Variants in HS6ST2 observed in about 807,000 individuals in gnomAD.
HS6ST2 encodes the protein heparan sulfate 6-O-sulfotransferase 2, also known as heparan-sulfate 6-O-sulfotransferase 2.
A neutral mutation model predicts 33.0 loss-of-function variants in HS6ST2; 17 were observed. The ratio of observed to expected loss-of-function variants is 0.52; its 90% CI spans 0.35 to 0.77. HS6ST2 has a LOEUF of 0.77. Ranked by LOEUF, HS6ST2 falls within the 30% of genes least tolerant of loss-of-function variation. The pLI, the probability that HS6ST2 is intolerant of heterozygous loss-of-function variation, is 0.01. For synonymous variants in HS6ST2, 248 were observed against 237.1 expected, an observed-to-expected ratio of 1.05 and a Z score of -0.42; for missense variants, 519 against 551.7, an observed-to-expected ratio of 0.94 and a Z score of 0.59.
intron 2 of HS6ST2, among the ~76,000 whole-genome samples, chrX:132,746,360 G>A (rs757503197): frequency 2.4e-4 from 27 of 110,440 alleles, no homozygotes; most frequent in Admixed American, 1.2e-3. Context: ...AAAATTAGCC[G>A]GGCGTGGTGG....
chrX:132,629,797 T>C (rs2063505258), intron 4 of HS6ST2, among the ~76,000 whole-genome samples: 1 of 111,926 alleles, frequency 8.9e-6, no homozygotes, highest in Non-Finnish European at 1.9e-5. Context: ...ATAGACATGG[T>C]AGCTGCCAAT....
At chrX:132,870,697 G>T (rs951369189) in intron 2 of HS6ST2, among the ~76,000 whole-genome samples, 18 of 111,678 alleles carry the variant, frequency 1.6e-4, no homozygotes, top group African/African-American at 5.9e-4. Context: ...ATGGTATTGG[G>T]AAAACAGCTA....
chrX:132,658,786 T>A (rs1428430576), intron 4 of HS6ST2, among the ~76,000 whole-genome samples: 9 of 112,537 alleles, frequency 8.0e-5, no homozygotes, highest in Non-Finnish European at 1.7e-4. Flanking sequence ...AATTCTTTTT[T>A]AATTAGGAAT....
chrX:132,680,418 G>A (rs2063960352), intron 3 of HS6ST2, among the ~76,000 whole-genome samples: 3 of 111,182 alleles, frequency 2.7e-5, no homozygotes, highest in Non-Finnish European at 5.7e-5. Flanking sequence ...TAGGTAAGAT[G>A]TTTAGTTGGC....
chrX:132,842,005 A>G (rs187102659), intron 2 of HS6ST2, among the ~76,000 whole-genome samples: 1 of 112,196 alleles, frequency 8.9e-6, no homozygotes, highest in Non-Finnish European at 1.9e-5. Flanking sequence ...GGCAATGAAG[A>G]CATGATATCA....
intron 2 of HS6ST2, among the ~76,000 whole-genome samples, chrX:132,826,676 G>T (rs2065524029): frequency 9.1e-6 from 1 of 109,341 alleles, no homozygotes; most frequent in African/African-American, 3.3e-5. Context: ...AAGGGCCACT[G>T]CTGTGGCCCT....
At chrX:132,734,578 C>T (rs991882580) in intron 2 of HS6ST2, among the ~76,000 whole-genome samples, 4 of 112,032 alleles carry the variant, frequency 3.6e-5, no homozygotes, top group African/African-American at 9.7e-5. Context: ...CATTTCCCCA[C>T]ATGGGCTCCC....
At chrX:132,889,536 G>C (rs910905963) in intron 2 of HS6ST2, among the ~76,000 whole-genome samples, 1 of 111,371 alleles carries the variant, frequency 9.0e-6, no homozygotes, top group Admixed American at 9.6e-5. Context: ...GAAAGGAAGA[G>C]ATGTATGTAG....
chrX:132,857,432 C>G (rs1271819185), intron 2 of HS6ST2, among the ~76,000 whole-genome samples: 1 of 106,635 alleles, frequency 9.4e-6, no homozygotes, highest in African/African-American at 3.4e-5. Context: ...TGCAGTGAGC[C>G]GTTATCACGC....
intron 2 of HS6ST2, among the ~76,000 whole-genome samples, chrX:132,868,374 G>T (rs2066016030): frequency 9.0e-6 from 1 of 111,586 alleles, no homozygotes. Flanking sequence ...AGATCAGCAA[G>T]ACAAAAAATT....
chrX:132,851,248 A>G (rs1175045959), intron 2 of HS6ST2, among the ~76,000 whole-genome samples: 1 of 112,315 alleles, frequency 8.9e-6, no homozygotes, highest in African/African-American at 3.2e-5. Context: ...TCTCTTTTCT[A>G]TTCTACCTGA....
chrX:132,752,492 A>G (rs774421111), intron 2 of HS6ST2, among the ~76,000 whole-genome samples: 1 of 104,993 alleles, frequency 9.5e-6, no homozygotes, highest in East Asian at 2.9e-4. Flanking sequence ...AAAAAAAAAG[A>G]ACTGACACCA....
intron 2 of HS6ST2, among the ~76,000 whole-genome samples, chrX:132,816,053 T>C (rs2065391686): frequency 1.8e-5 from 2 of 111,801 alleles, no homozygotes; most frequent in African/African-American, 6.5e-5. Flanking sequence ...CCCCAGCACA[T>C]AGCATTACTC....
At position 132,958,389 on chromosome X, in the gene HS6ST2, G is replaced by C; in HGVS notation, c.214C>G (p.Arg72Gly). ...CCCGCCAGGGAAGAAGACGCCTTTC[G>C]GGGCTTGTCCAGGAGCGGCCGGGTG... ...FHTRPLLDKPRKASSSLAGAA... is the reference protein window; with the variant it reads ...FHTRPLLDKPGKASSSLAGAA... Residue 72 changes from arginine (R) to glycine (G), a missense_variant, in exon 1 of 5, where the codon CGA becomes GGA. Physicochemically the swap from Arg to Gly is moderately radical, Grantham distance 125. Coordinates refer to ENST00000370833, the MANE Select transcript of HS6ST2 (RefSeq NM_001394073.1). The C allele has an allele frequency of 2.5e-6, 3 of 1,199,071 alleles. No homozygotes were observed. The highest frequency in any genetic ancestry group is 3.4e-6 in the Non-Finnish European group (3 of 892,545).
chrX:132,769,938 C>A (rs2064881603), intron 2 of HS6ST2, among the ~76,000 whole-genome samples: 1 of 112,140 alleles, frequency 8.9e-6, no homozygotes, highest in Non-Finnish European at 1.9e-5. Flanking sequence ...TTTGGTACAA[C>A]TCGCTTGTGA....
chrX:132,671,975 G>A (rs1433017559), intron 3 of HS6ST2, among the ~76,000 whole-genome samples: 1 of 111,613 alleles, frequency 9.0e-6, no homozygotes, highest in African/African-American at 3.3e-5. Context: ...AACATTGACA[G>A]AAAAAGTCTT....
Position 132,906,949 on chromosome X carries a change from G to A in HS6ST2, c.947+49859C>T, listed in dbSNP as rs186187395. ...CAAAGTGCTGGGATTACAGGCATGA[G>A]CCGCCATGCCCAGCCAAGAAGTGAT... On this transcript the variant is annotated intron_variant, in intron 2 of 4. Transcript: ENST00000370833. Among the ~76,000 whole-genome samples, 9 of 111,761 alleles carry A rather than the reference G, an allele frequency of 8.1e-5. No homozygotes were observed. The East Asian group carries it at 2.6e-3, about 32-fold the overall frequency.
chrX:132,806,124 C>T (rs1277240648), intron 2 of HS6ST2, among the ~76,000 whole-genome samples: 1 of 110,408 alleles, frequency 9.1e-6, no homozygotes, highest in East Asian at 2.8e-4. Flanking sequence ...TACACTAACA[C>T]AAGCAATTCA....
intron 2 of HS6ST2, among the ~76,000 whole-genome samples, chrX:132,939,044 AAG>A (rs1278836182): frequency 9.0e-6 from 1 of 111,297 alleles, no homozygotes; most frequent in Non-Finnish European, 1.9e-5. Context: ...GAGAGGGAGC[AAG>A]AGAGAGAGGT....
Sources: gnomAD v4.1 joint callset for allele counts (sites outside exome capture counted in the v4.1 genomes callset) on GRCh38, gnomAD v4.1.1 for gene constraint, MANE v1.5 for transcripts, NCBI Gene and HGNC (gene_info 2026-07-23, HGNC 2026-07-21) for gene names.